The following NSMCE2 variants were observed in gnomAD, a reference collection of about 807,000 sequenced individuals.
NSMCE2 encodes E3 SUMO-protein ligase NSE2.
A neutral mutation model predicts 23.8 loss-of-function variants in NSMCE2; 24 were observed. That is an observed-to-expected ratio of 1.01 (90% confidence interval 0.73 to 1.42). The LOEUF (loss-of-function observed/expected upper bound fraction) is 1.42, where lower values mean the gene tolerates loss of function less well. Ranked by LOEUF, NSMCE2 falls within the 40% of genes most tolerant of loss-of-function variation. NSMCE2 has a pLI of 0.00. For synonymous variants in NSMCE2, 92 were observed against 94.1 expected (o/e 0.98, Z 0.13); for missense variants, 284 against 296.5 (o/e 0.96, Z 0.31).
intron 5 of NSMCE2, among the ~76,000 whole-genome samples, chr8:125,312,075 T>TAAAAAAAAAAAA (rs56906621): frequency 3.0e-5 from 3 of 99,406 alleles, no homozygotes; most frequent in East Asian, 2.7e-4. Context: ...CCATCTCAAT[T>TAAAAAAAAAAAA]AAAAAAAAAA....
At chr8:125,326,727 A>G (rs967355848) in intron 5 of NSMCE2, among the ~76,000 whole-genome samples, 2 of 152,140 alleles carry the variant, frequency 1.3e-5, no homozygotes, top group African/African-American at 2.4e-5. Flanking sequence ...AGGCCGAGGC[A>G]GGTGGATCAC....
rs570252264 is a variant in NSMCE2, at chr8:125,133,599, G to A, written c.158-17572G>A. 4.6e-5 allele frequency among the ~76,000 whole-genome samples: 7 copies of A among 151,956 alleles called. No individual in the cohort carries two copies. The South Asian group carries it at 6.3e-4, about 14-fold the overall frequency. Reference sequence around the variant, plus strand: ...TACTAAAAATACACAAAATTAGTGAGGCATGGTGGCTCGCACCTGTAATCC... The same window carrying A: ...TACTAAAAATACACAAAATTAGTGAAGCATGGTGGCTCGCACCTGTAATCC... On this transcript the variant is annotated intron_variant, in intron 3 of 7. Transcript: ENST00000287437.
At chr8:125,168,034 A>G (rs757551005) in intron 4 of NSMCE2, among the ~76,000 whole-genome samples, 30 of 152,192 alleles carry the variant, frequency 2.0e-4, no homozygotes, top group Non-Finnish European at 3.8e-4. Flanking sequence ...TTCATTTGAT[A>G]AACATTACCT....
At chr8:125,210,032 A>G (rs1457809095) in intron 5 of NSMCE2, among the ~76,000 whole-genome samples, 7 of 152,214 alleles carry the variant, frequency 4.6e-5, no homozygotes, top group Admixed American at 4.6e-4. Flanking sequence ...CAGAATAGTC[A>G]CAGTTCATAG....
chr8:125,234,268 A>G (rs918349134), intron 5 of NSMCE2, among the ~76,000 whole-genome samples: 2 of 152,146 alleles, frequency 1.3e-5, no homozygotes, highest in African/African-American at 4.8e-5. Context: ...GTCAACATTC[A>G]TCTAGACTAA....
chr8:125,320,315 GAAGGA>G, intron 5 of NSMCE2, among the ~76,000 whole-genome samples: 2 of 119,082 alleles, frequency 1.7e-5, no homozygotes, highest in Non-Finnish European at 3.8e-5. Flanking sequence ...GAAGGGAAGG[GAAGGA>G]AGGGAAGGAA....
intron 5 of NSMCE2, among the ~76,000 whole-genome samples, chr8:125,232,466 A>G (rs937824601): frequency 6.6e-6 from 1 of 152,212 alleles, no homozygotes; most frequent in African/African-American, 2.4e-5. Flanking sequence ...AATAAGCTTC[A>G]GGTGCTTTTA....
chr8:125,155,560 G>A (rs541099944), intron 4 of NSMCE2, among the ~76,000 whole-genome samples: 1 of 152,306 alleles, frequency 6.6e-6, no homozygotes, highest in East Asian at 1.9e-4. Flanking sequence ...TGCAAGTCAT[G>A]GCAGTAGTTG....
chr8:125,239,962 C>G lies in NSMCE2; in HGVS notation c.418+57706C>G, dbSNP rs143704652. 5.5e-4 allele frequency among the ~76,000 whole-genome samples: 84 copies of G among 152,254 alleles called. 1 individual carries two copies. In the East Asian group the frequency reaches 0.013, roughly 24 times the overall value. ...ACTCTGATCCCTGCCCCTTCTTGCT[C>G]ATTGCTGAGGCCACTGTCAGCCTTT... On this transcript the variant is annotated intron_variant, in intron 5 of 7. Transcript: ENST00000287437.
At chr8:125,343,582 C>A (rs1484658488) in intron 5 of NSMCE2, among the ~76,000 whole-genome samples, 1 of 151,846 alleles carries the variant, frequency 6.6e-6, no homozygotes, top group Non-Finnish European at 1.5e-5. Context: ...AAGGCTACAG[C>A]AAGCCCAGAT....
At chr8:125,165,210 A>G (rs1821814058) in intron 4 of NSMCE2, among the ~76,000 whole-genome samples, 1 of 152,246 alleles carries the variant, frequency 6.6e-6, no homozygotes, top group African/African-American at 2.4e-5. Flanking sequence ...GGCAAGGATT[A>G]AATGAGATAA....
At chr8:125,221,466 A>G (rs540039943) in intron 5 of NSMCE2, among the ~76,000 whole-genome samples, 1 of 152,066 alleles carries the variant, frequency 6.6e-6, no homozygotes, top group Non-Finnish European at 1.5e-5. Flanking sequence ...CTGGTCTTGA[A>G]CTCCTGGGCT....
At chr8:125,285,439 C>T (rs995421101) in intron 5 of NSMCE2, among the ~76,000 whole-genome samples, 1 of 152,140 alleles carries the variant, frequency 6.6e-6, no homozygotes, top group African/African-American at 2.4e-5. Flanking sequence ...CCCTCCCTTC[C>T]TTCTTTTAAC....
intron 5 of NSMCE2, among the ~76,000 whole-genome samples, chr8:125,236,951 G>A (rs957000704): frequency 1.3e-5 from 2 of 152,022 alleles, no homozygotes; most frequent in Non-Finnish European, 2.9e-5. Context: ...AACTGAATGA[G>A]TAAATGTACC....
intron 7 of NSMCE2, among the ~76,000 whole-genome samples, chr8:125,359,678 C>T (rs1813444561): frequency 6.6e-6 from 1 of 152,100 alleles, no homozygotes; most frequent in Non-Finnish European, 1.5e-5. Flanking sequence ...GAATGACAAT[C>T]GTTGTAATCA....
chr8:125,172,396 G>A (rs952901274), intron 4 of NSMCE2, among the ~76,000 whole-genome samples: 2 of 152,172 alleles, frequency 1.3e-5, no homozygotes, highest in Non-Finnish European at 2.9e-5. Context: ...AGGTAAGCTT[G>A]GCTACTCAAC....
intron 5 of NSMCE2, among the ~76,000 whole-genome samples, chr8:125,213,528 TCCTCTCCTC>T (rs1339192188): frequency 4.5e-5 from 5 of 110,588 alleles, no homozygotes; most frequent in African/African-American, 1.7e-4. Context: ...TCCTCTCCTC[TCCTCTCCTC>T]TCCCCTCCAC....
chr8:125,171,261 A>T (rs1822192258), intron 4 of NSMCE2, among the ~76,000 whole-genome samples: 1 of 152,192 alleles, frequency 6.6e-6, no homozygotes, highest in Non-Finnish European at 1.5e-5. Context: ...TACAAACTCC[A>T]CAAGGGCAGG....
At chr8:125,216,188 T>C (rs1205512158) in intron 5 of NSMCE2, among the ~76,000 whole-genome samples, 2 of 149,412 alleles carry the variant, frequency 1.3e-5, no homozygotes, top group Non-Finnish European at 3.0e-5. Flanking sequence ...TTCCATTGTA[T>C]GTACCACATT....
Sources: gnomAD v4.1 joint callset for allele counts (sites outside exome capture counted in the v4.1 genomes callset) on GRCh38, gnomAD v4.1.1 for gene constraint, MANE v1.5 for transcripts, NCBI Gene and HGNC (gene_info 2026-07-23, HGNC 2026-07-21) for gene names.